The following COMMD1 variants were observed in gnomAD, a reference collection of about 807,000 sequenced individuals.
COMMD1 encodes copper metabolism domain containing 1, also known as COMM domain-containing protein 1.
A neutral mutation model predicts 17.2 loss-of-function variants in COMMD1; 10 were observed. That is an observed-to-expected ratio of 0.58 (90% CI 0.36 to 0.99). The LOEUF is 0.99. Among genes scored for constraint, COMMD1 ranks in the 50% least tolerant of loss-of-function variants. COMMD1 has a pLI of 0.01. For synonymous variants in COMMD1, 97 were observed against 91.6 expected (o/e 1.06, Z -0.34); for missense variants, 270 against 231.8 (o/e 1.17, Z -1.07).
At chr2:62,041,071 T>TTA (rs1670179804) in intron 2 of COMMD1, among the ~76,000 whole-genome samples, 1 of 152,162 alleles carries the variant, frequency 6.6e-6, no homozygotes. Context: ...CCCCAGAACA[T>TTA]TACGAGGATC....
In COMMD1 at chr2:62,000,947, G is replaced by A; in HGVS notation, c.427G>A (p.Ala143Thr). Reference sequence around the variant, plus strand: ...CTCAGCTCAAATACACACACCTGTTGCCATTATAGAGCTGGAATTAGGCAA... The same window carrying A: ...CTCAGCTCAAATACACACACCTGTTACCATTATAGAGCTGGAATTAGGCAA... ...RHSAQIHTPVAIIELELGKYG... is the reference protein window; with the variant it reads ...RHSAQIHTPVTIIELELGKYG... Residue 143 changes from alanine to threonine, a missense_variant, in exon 2 of 3, where the codon GCC (alanine) becomes ACC (threonine). By Grantham distance (58) the Ala-to-Thr change is moderately conservative (BLOSUM62 0). Coordinates refer to ENST00000311832, the MANE Select transcript of COMMD1 (RefSeq NM_152516.4). 1 of 1,613,930 alleles carries A rather than the reference G, an allele frequency of 6.2e-7. No homozygotes were observed. The highest frequency in any genetic ancestry group is 8.5e-7 in the Non-Finnish European group (1 of 1,180,022).
intron 1 of COMMD1, among the ~76,000 whole-genome samples, chr2:61,952,970 C>T (rs1169528340): frequency 3.3e-5 from 5 of 152,186 alleles, no homozygotes; most frequent in Non-Finnish European, 7.3e-5. Context: ...ATAATAGTTT[C>T]AGTTCTTTGA....
intron 2 of COMMD1, among the ~76,000 whole-genome samples, chr2:62,087,153 C>T (rs1057112055): frequency 2.0e-5 from 3 of 152,082 alleles, no homozygotes; most frequent in Admixed American, 2.0e-4. Context: ...ATAATGTTCT[C>T]CAAACAGCAA....
chr2:62,100,286 T>A (rs1433246691), intron 2 of COMMD1: 1 of 152,310 alleles, frequency 6.6e-6, no homozygotes, highest in Admixed American at 6.5e-5. Flanking sequence ...GGGTCCTGAG[T>A]CTTCTCTGTG....
At chr2:61,971,504 C>G (rs566239046) in intron 1 of COMMD1, among the ~76,000 whole-genome samples, 78 of 152,054 alleles carry the variant, frequency 5.1e-4, no homozygotes, top group Admixed American at 1.2e-3. Context: ...GCCTGGGCAT[C>G]TAACAAAGGC....
chr2:62,054,293 T>A (rs572045774), intron 2 of COMMD1, among the ~76,000 whole-genome samples: 1 of 152,216 alleles, frequency 6.6e-6, no homozygotes, highest in Non-Finnish European at 1.5e-5. Flanking sequence ...TGAAGTTATC[T>A]CAAAGAACTA....
At chr2:62,118,097 A>G (rs1558606763) in intron 2 of COMMD1, 1 of 152,204 alleles carries the variant, frequency 6.6e-6, no homozygotes, top group Non-Finnish European at 1.5e-5. Context: ...CCTAACTTAG[A>G]TTAGAAGTAT....
intron 2 of COMMD1, among the ~76,000 whole-genome samples, chr2:62,016,110 T>C (rs975578497): frequency 4.6e-5 from 7 of 151,552 alleles, no homozygotes; most frequent in Non-Finnish European, 8.8e-5. Flanking sequence ...TGGGATTACA[T>C]GCGTGAGCCA....
At chr2:62,015,591 A>G (rs987626602) in intron 2 of COMMD1, among the ~76,000 whole-genome samples, 1 of 152,072 alleles carries the variant, frequency 6.6e-6, no homozygotes, top group Non-Finnish European at 1.5e-5. Flanking sequence ...TTTTTAAGGA[A>G]CTGACAAACT....
chr2:61,889,202 CTTTTTTTTTTTT>C (rs34949326), intron 1 of COMMD1, among the ~76,000 whole-genome samples: 10 of 54,786 alleles, frequency 1.8e-4, no homozygotes, highest in Admixed American at 3.2e-4. Flanking sequence ...GAAGCCCGGC[CTTTTTTTTTTTT>C]TTTTTTTTTT....
At position 62,024,260 on chromosome 2, in the gene COMMD1, A is replaced by T. The variant is rs565782806; in HGVS notation, c.462+23278A>T. On this transcript the variant is annotated intron_variant, in intron 2 of 2. Transcript: ENST00000311832. ...GAGACAGGGTCTCCCTCTGTAACTC[A>T]TGCTGGAGTGCAGTGGTGCTATCTC... 3.3e-5 allele frequency among the ~76,000 whole-genome samples: 5 copies of T among 152,252 alleles called. No homozygotes were observed. In the East Asian group the frequency reaches 9.6e-4, roughly 29 times the overall value.
At chr2:62,129,915 C>G (rs1348751054) in intron 2 of COMMD1, among the ~76,000 whole-genome samples, 1 of 152,160 alleles carries the variant, frequency 6.6e-6, no homozygotes, top group African/African-American at 2.4e-5. Context: ...GTGGCTTACG[C>G]CTGTAATCCC....
At position 62,136,045 on chromosome 2, in the gene COMMD1, C is replaced by T; in HGVS notation, c.*104C>T. The T allele has an allele frequency of 1.4e-6, 1 of 718,786 alleles. No homozygotes were observed. 44.5% of individuals were successfully genotyped at this position (718,786 alleles called of 1,614,324 possible). ...TCTTGTGCCCGCATTGGTATTAAAT[C>T]CTCGCATTCAGTCTTCCTGCCTCTA... On this transcript the variant is annotated 3_prime_UTR_variant, in exon 3 of 3. Coordinates refer to ENST00000311832, the MANE Select transcript of COMMD1 (RefSeq NM_152516.4).
intron 2 of COMMD1, among the ~76,000 whole-genome samples, chr2:62,123,561 G>A (rs1351301000): frequency 6.6e-6 from 1 of 150,440 alleles, no homozygotes; most frequent in Admixed American, 6.6e-5. Context: ...AGGAAAGAAG[G>A]AAGGAAGGAG....
At chr2:62,039,188 G>C (rs1184257937) in intron 2 of COMMD1, among the ~76,000 whole-genome samples, 1 of 152,144 alleles carries the variant, frequency 6.6e-6, no homozygotes, top group East Asian at 1.9e-4. Flanking sequence ...CTCTGTAGTT[G>C]GGTTGGATGC....
At chr2:61,950,722 C>G (rs141741816) in intron 1 of COMMD1, among the ~76,000 whole-genome samples, 41 of 152,234 alleles carry the variant, frequency 2.7e-4, no homozygotes, top group African/African-American at 9.1e-4. Flanking sequence ...AATAATTGAC[C>G]TGATAACTGA....
At chr2:61,911,401 G>C (rs1669902365) in intron 1 of COMMD1, among the ~76,000 whole-genome samples, 1 of 152,090 alleles carries the variant, frequency 6.6e-6, no homozygotes, top group South Asian at 2.1e-4. Context: ...GCTTGAACCT[G>C]GGAGGTGGAG....
intron 2 of COMMD1, among the ~76,000 whole-genome samples, chr2:62,126,612 G>GT (rs1672894756): frequency 6.6e-6 from 1 of 152,074 alleles, no homozygotes; most frequent in Non-Finnish European, 1.5e-5. Context: ...TTTTTAATGG[G>GT]TTTTTTATTG....
At chr2:62,029,739 AG>A (rs1356012911) in intron 2 of COMMD1, among the ~76,000 whole-genome samples, 2 of 152,206 alleles carry the variant, frequency 1.3e-5, no homozygotes, top group African/African-American at 4.8e-5. Context: ...ATTTCCTGTT[AG>A]ACCTAGAAAA....
Sources: allele counts gnomAD v4.1 joint callset (sites outside exome capture counted in the v4.1 genomes callset), GRCh38; gene constraint gnomAD v4.1.1; transcripts MANE v1.5; gene names NCBI Gene and HGNC (gene_info 2026-07-23, HGNC 2026-07-21).